The following NRDC variants were observed in gnomAD, a reference collection of about 807,000 sequenced individuals.
NRDC encodes the protein nardilysin convertase.
NRDC carries 54 observed loss-of-function variants against 147.1 expected under a neutral mutation model. The observed-to-expected ratio is 0.37, with a 90% CI of 0.29 to 0.46. The LOEUF is 0.46. NRDC is among the 20% of genes least tolerant of loss of function. The pLI is 1.00. For missense variants in NRDC, 1,082 were observed against 1,370.6 expected, an observed-to-expected ratio of 0.79 and a Z score of 3.33; for synonymous variants, 440 against 482.1, an observed-to-expected ratio of 0.91 and a Z score of 1.14.
At chr1:51,851,180 C>A (rs1309618270) in intron 1 of NRDC, among the ~76,000 whole-genome samples, 1 of 152,058 alleles carries the variant, frequency 6.6e-6, no homozygotes, top group Non-Finnish European at 1.5e-5. Context: ...GAGAAGATGT[C>A]TTTTGGTAAG....
intron 1 of NRDC, among the ~76,000 whole-genome samples, chr1:51,846,568 T>C (rs80179376): frequency 0.029 from 4,434 of 152,360 alleles, 102 homozygotes; most frequent in South Asian, 0.1. Context: ...TTTCCAATGT[T>C]CGGATGTGTT....
At chr1:51,805,466 A>G (rs896620542) in intron 19 of NRDC, 44 bp downstream of exon 19, 18 of 1,397,528 alleles carry the variant, frequency 1.3e-5, no homozygotes, top group Admixed American at 2.3e-5. Flanking sequence ...TAGTTTTTCA[A>G]TAACTAAAAA....
intron 1 of NRDC, among the ~76,000 whole-genome samples, chr1:51,847,119 G>A (rs1268911296): frequency 6.6e-6 from 1 of 152,088 alleles, no homozygotes; most frequent in Non-Finnish European, 1.5e-5. Flanking sequence ...GCAGATTGGT[G>A]CATTTACAAA....
chr1:51,797,975 G>T, intron 22 of NRDC: 1 of 360,826 alleles, frequency 2.8e-6, no homozygotes, highest in Non-Finnish European at 5.1e-6. Flanking sequence ...TCACTGTGTT[G>T]CCTGGACTGG....
chr1:51,836,260 A>G, intron 2 of NRDC, 48 bp from the exon 3 acceptor site: 1 of 1,591,522 alleles, frequency 6.3e-7, no homozygotes, highest in Non-Finnish European at 8.6e-7. Context: ...CCCTAAAGGA[A>G]TAATATTCGC....
intron 1 of NRDC, among the ~76,000 whole-genome samples, chr1:51,873,017 GATC>G (rs1266490567): frequency 6.6e-6 from 1 of 152,110 alleles, no homozygotes; most frequent in South Asian, 2.1e-4. Flanking sequence ...GAGATTTTGT[GATC>G]ATTTTAGCAA....
chr1:51,862,964 C>G (rs116421646), intron 1 of NRDC, among the ~76,000 whole-genome samples: 2 of 120,720 alleles, frequency 1.7e-5, no homozygotes, highest in Admixed American at 2.2e-4. Flanking sequence ...GAGCTGAAAT[C>G]AGGCCACTGC....
At chr1:51,810,172 TAAA>T in intron 16 of NRDC, 106 bp downstream of exon 16, 2 of 750,976 alleles carry the variant, frequency 2.7e-6, no homozygotes, top group Non-Finnish European at 3.8e-6. Flanking sequence ...GTGAACTTTT[TAAA>T]AAATTATACT....
At chr1:51,843,675 G>A (rs536274561) in intron 1 of NRDC, among the ~76,000 whole-genome samples, 1 of 151,894 alleles carries the variant, frequency 6.6e-6, no homozygotes, top group African/African-American at 2.4e-5. Flanking sequence ...AACTTATGAG[G>A]GTTGAAAAAA....
chr1:51,865,111 G>A (rs922647576), intron 1 of NRDC, among the ~76,000 whole-genome samples: 1 of 151,878 alleles, frequency 6.6e-6, no homozygotes, highest in African/African-American at 2.4e-5. Flanking sequence ...GAATACATTT[G>A]CAACTCATAT....
chr1:51,836,164 C>A lies in NRDC; in HGVS notation c.679G>T (p.Asp227Tyr). Reference sequence around the variant, plus strand: ...AAAAAGTGTGCCAGCCCCGGCAGGTCATCTGGATCAGCGAAACTCCCAACT... The same window carrying A: ...AAAAAGTGTGCCAGCCCCGGCAGGTAATCTGGATCAGCGAAACTCCCAACT... Reference protein sequence around the residue: ...VGVGSFADPDDLPGLAHFLEH... With the variant: ...VGVGSFADPDYLPGLAHFLEH... Residue 227 changes from aspartate to tyrosine, a missense_variant, in exon 3 of 31, where the codon GAC becomes TAC. Around this residue, in one of 3 missense-constraint regions of NRDC, gnomAD observed 635 missense variants for 923.8 expected, o/e 0.69. Transcript: ENST00000352171. The A allele has an allele frequency of 6.2e-7, 1 of 1,614,126 alleles. No homozygotes were observed. Among genetic ancestry groups the A allele is most frequent in the Non-Finnish European group, 8.5e-7 (1 of 1,180,030 alleles).
At chr1:51,876,800 A>G (rs1683350756) in intron 1 of NRDC, among the ~76,000 whole-genome samples, 1 of 152,242 alleles carries the variant, frequency 6.6e-6, no homozygotes, top group African/African-American at 2.4e-5. Flanking sequence ...GATTATCTAT[A>G]AGGTTGTTTC....
intron 19 of NRDC, among the ~76,000 whole-genome samples, chr1:51,804,912 A>G (rs1679392790): frequency 6.6e-6 from 1 of 152,228 alleles, no homozygotes; most frequent in South Asian, 2.1e-4. Context: ...AGTATCTCCT[A>G]GGTTCAGACA....
intron 1 of NRDC, among the ~76,000 whole-genome samples, chr1:51,875,020 A>T (rs1028025607): frequency 2.0e-5 from 3 of 152,334 alleles, no homozygotes; most frequent in East Asian, 3.9e-4. Context: ...TCCTACTGAA[A>T]TACAATGGAA....
At chr1:51,797,124 G>A (rs1489152283) in intron 22 of NRDC, among the ~76,000 whole-genome samples, 22 of 151,846 alleles carry the variant, frequency 1.4e-4, no homozygotes, top group Admixed American at 1.4e-3. Flanking sequence ...GGCGTGAACC[G>A]AAGAGGTGGA....
chr1:51,818,531 A>T (rs907512599), intron 9 of NRDC, among the ~76,000 whole-genome samples: 1 of 152,244 alleles, frequency 6.6e-6, no homozygotes, highest in African/African-American at 2.4e-5. Context: ...CTGTTTACTC[A>T]TAGTAAAATG....
At chr1:51,865,310 GTT>G (rs200973191) in intron 1 of NRDC, among the ~76,000 whole-genome samples, 1 of 143,080 alleles carries the variant, frequency 7.0e-6, no homozygotes. Context: ...TTTTCGTTTT[GTT>G]TTTTTTTTTT....
At chr1:51,808,403 G>T (rs1230404819) in intron 17 of NRDC, among the ~76,000 whole-genome samples, 1 of 152,150 alleles carries the variant, frequency 6.6e-6, no homozygotes, top group African/African-American at 2.4e-5. Context: ...GACCTTTTGT[G>T]TCTAGCTTCT....
At chr1:51,852,230 T>C (rs1170809099) in intron 1 of NRDC, among the ~76,000 whole-genome samples, 1 of 152,032 alleles carries the variant, frequency 6.6e-6, no homozygotes, top group Non-Finnish European at 1.5e-5. Flanking sequence ...CATGTGTCCT[T>C]GTTGAAGTCA....
Sources: gnomAD v4.1 joint callset for allele counts (sites outside exome capture counted in the v4.1 genomes callset) on GRCh38, gnomAD v4.1.1 for gene constraint, gnomAD v4.1.1 regional missense constraint, MANE v1.5 for transcripts, NCBI Gene and HGNC (gene_info 2026-07-23, HGNC 2026-07-21) for gene names.